The following MACROD2 variants were observed in gnomAD, a reference collection of about 807,000 sequenced individuals.
MACROD2 encodes the protein ADP-ribose glycohydrolase MACROD2.
Under a neutral mutation model 70.4 loss-of-function variants are expected in MACROD2, and 36 were observed. The observed-to-expected ratio is 0.51, with a 90% CI of 0.39 to 0.68. MACROD2 has a LOEUF of 0.68. Ranked by LOEUF, MACROD2 falls within the 30% of genes least tolerant of loss-of-function variation. The pLI is 0.00. For missense variants in MACROD2, 496 were observed against 538.4 expected (o/e 0.92, Z 0.78); for synonymous variants, 172 against 178.8 (o/e 0.96, Z 0.30).
At position 14,558,879 on chromosome 20, in the gene MACROD2, G is replaced by T. The variant is rs114982012; in HGVS notation, c.301+65371G>T. Among the ~76,000 whole-genome samples the T allele has an allele frequency of 1.3e-3, 202 of 151,682 alleles. 1 individual carries two copies. Among genetic ancestry groups the T allele is most frequent in the African/African-American group, 4.5e-3 (187 of 41,466 alleles). On this transcript the variant is annotated intron_variant, in intron 4 of 17. Transcript: ENST00000684519. ...TATTGAAGTGTTTGTGTATGTGTAT[G>T]TGTGTATTTATACCATATAGACAAG...
At chr20:14,511,669 T>A (rs1000136806) in intron 4 of MACROD2, among the ~76,000 whole-genome samples, 3 of 60,302 alleles carry the variant, frequency 5.0e-5, no homozygotes, top group African/African-American at 2.3e-4. Context: ...GTCTGTTGTG[T>A]TTGGTTTAGG....
At chr20:14,151,269 T>C (rs1240083973) in intron 3 of MACROD2, among the ~76,000 whole-genome samples, 1 of 151,164 alleles carries the variant, frequency 6.6e-6, no homozygotes, top group Non-Finnish European at 1.5e-5. Flanking sequence ...GTAGATTTTT[T>C]TTCTGTATTG....
chr20:15,462,361 C>A (rs1475680349), intron 7 of MACROD2, among the ~76,000 whole-genome samples: 1 of 152,150 alleles, frequency 6.6e-6, no homozygotes, highest in Non-Finnish European at 1.5e-5. Context: ...TCTGTAGAGA[C>A]CACCAGAAAC....
intron 4 of MACROD2, among the ~76,000 whole-genome samples, chr20:14,538,565 C>G (rs2085394664): frequency 6.6e-6 from 1 of 152,198 alleles, no homozygotes; most frequent in African/African-American, 2.4e-5. Flanking sequence ...TGCCTGTCTT[C>G]TAGTCTTCAC....
intron 6 of MACROD2, among the ~76,000 whole-genome samples, chr20:15,324,910 CT>C (rs1287302137): frequency 6.6e-6 from 1 of 152,118 alleles, no homozygotes; most frequent in Non-Finnish European, 1.5e-5. Context: ...ATAACTTGAC[CT>C]TTCTTGCAAA....
At chr20:14,458,742 T>A (rs1371470346) in intron 3 of MACROD2, among the ~76,000 whole-genome samples, 1 of 152,092 alleles carries the variant, frequency 6.6e-6, no homozygotes, top group Non-Finnish European at 1.5e-5. Flanking sequence ...AGGCAAGCAG[T>A]TATGTTGAAA....
chr20:14,589,944 A>T (rs1275670544), intron 4 of MACROD2, among the ~76,000 whole-genome samples: 1 of 152,122 alleles, frequency 6.6e-6, no homozygotes. Flanking sequence ...ATGTGCTTTG[A>T]GCTGCTTTTG....
chr20:15,653,324 T>C (rs1023204216), intron 8 of MACROD2, among the ~76,000 whole-genome samples: 2 of 152,200 alleles, frequency 1.3e-5, no homozygotes, highest in Non-Finnish European at 2.9e-5. Flanking sequence ...ATGATTTCTA[T>C]TATCAGAGAG....
chr20:14,810,451 G>C (rs2044306572), intron 5 of MACROD2, among the ~76,000 whole-genome samples: 1 of 151,940 alleles, frequency 6.6e-6, no homozygotes, highest in Non-Finnish European at 1.5e-5. Context: ...AAAATAATAA[G>C]AGCTATTTAT....
At chr20:15,293,689 T>C (rs556534350) in intron 6 of MACROD2, among the ~76,000 whole-genome samples, 95 of 152,312 alleles carry the variant, frequency 6.2e-4, no homozygotes, top group African/African-American at 2.2e-3. Flanking sequence ...AAGGACACCT[T>C]GTAGGCCCCA....
Position 14,897,705 on chromosome 20 carries a change from A to G in MACROD2, c.418+212746A>G, listed in dbSNP as rs892450556. On this transcript the variant is annotated intron_variant, in intron 5 of 17. Transcript: ENST00000684519. ...AACCAAGCATGAATCAGGTTCCATAAAGTTTCAAGCTGCTGTAACAGAATA... is the reference window on the plus strand; with the variant it reads ...AACCAAGCATGAATCAGGTTCCATAGAGTTTCAAGCTGCTGTAACAGAATA... Among the ~76,000 whole-genome samples, 4 of 152,178 alleles carry G rather than the reference A, an allele frequency of 2.6e-5. No individual in the cohort carries two copies. In the East Asian group the frequency reaches 7.7e-4, roughly 29 times the overall value.
chr20:16,028,088 G>A (rs543319718), intron 15 of MACROD2, among the ~76,000 whole-genome samples: 7 of 152,192 alleles, frequency 4.6e-5, no homozygotes, highest in Non-Finnish European at 7.4e-5. Flanking sequence ...TTCAGTGGTT[G>A]GGACCACTAT....
At chr20:14,819,951 A>G (rs2072822023) in intron 5 of MACROD2, among the ~76,000 whole-genome samples, 1 of 151,942 alleles carries the variant, frequency 6.6e-6, no homozygotes, top group East Asian at 1.9e-4. Flanking sequence ...CATGAAGGAG[A>G]TTCCTCTGGC....
At chr20:14,510,112 T>C (rs932147194) in intron 4 of MACROD2, among the ~76,000 whole-genome samples, 8 of 152,094 alleles carry the variant, frequency 5.3e-5, no homozygotes, top group African/African-American at 1.9e-4. Context: ...CTGATTCTCT[T>C]AGAAAGTGTT....
chr20:14,612,930 C>T (rs1199745845), intron 4 of MACROD2, among the ~76,000 whole-genome samples: 1 of 152,088 alleles, frequency 6.6e-6, no homozygotes, highest in Non-Finnish European at 1.5e-5. Flanking sequence ...TACTTTCAGG[C>T]TTGTACTTTA....
At chr20:14,886,031 T>G (rs2073671115) in intron 5 of MACROD2, among the ~76,000 whole-genome samples, 2 of 151,858 alleles carry the variant, frequency 1.3e-5, no homozygotes, top group African/African-American at 4.8e-5. Flanking sequence ...AACAAGAAAA[T>G]AGGTAAATTA....
At chr20:14,287,508 C>T (rs74863254) in intron 3 of MACROD2, among the ~76,000 whole-genome samples, 2,688 of 152,216 alleles carry the variant, frequency 0.018, 83 homozygotes, top group African/African-American at 0.061. Context: ...CTATTTTGAG[C>T]ATCTGTTGGT....
At chr20:15,490,227 T>TCCTTCCTC (rs1568844602) in intron 7 of MACROD2, among the ~76,000 whole-genome samples, 1 of 99,018 alleles carries the variant, frequency 1.0e-5, no homozygotes, top group Non-Finnish European at 2.2e-5. Context: ...CTTCCTCCCT[T>TCCTTCCTC]CCTTCCTCCC....
rs182854630 is a variant in MACROD2 at position 14,548,314 on chromosome 20, A to G, written c.301+54806A>G. Among the ~76,000 whole-genome samples the G allele has an allele frequency of 2.0e-5, 3 of 152,276 alleles. No individual in the cohort carries two copies. The East Asian group carries it at 5.8e-4, about 29-fold the overall frequency. On this transcript the variant is annotated intron_variant, in intron 4 of 17. Transcript: ENST00000684519. The stretch of plus-strand genomic sequence containing the variant: ...AGTTTTCCCTCTACCCCAACTGCCA[A>G]TTATAAACTCAGATTTACATTCAGA...
Sources: allele counts gnomAD v4.1 joint callset (sites outside exome capture counted in the v4.1 genomes callset), GRCh38; gene constraint gnomAD v4.1.1; transcripts MANE v1.5; gene names NCBI Gene and HGNC (gene_info 2026-07-23, HGNC 2026-07-21).